DDX46: variants seen among roughly 807,000 people sequenced by gnomAD.
The protein encoded by DDX46 is DEAD-box helicase 46, also known as probable ATP-dependent RNA helicase DDX46.
A neutral mutation model predicts 134.9 loss-of-function variants in DDX46; 30 were observed. The ratio of observed to expected loss-of-function variants is 0.22; its 90% confidence interval spans 0.17 to 0.30. DDX46 has a LOEUF of 0.30. Ranked by LOEUF, DDX46 falls within the 10% of genes least tolerant of loss-of-function variation. The pLI is 1.00. For missense variants in DDX46, 622 were observed against 1,248.7 expected, an observed-to-expected ratio of 0.50 and a Z score of 7.56; for synonymous variants, 415 against 404.1, an observed-to-expected ratio of 1.03 and a Z score of -0.32.
intron 16 of DDX46, among the ~76,000 whole-genome samples, chr5:134,809,349 G>A (rs1755075097): frequency 1.3e-5 from 2 of 152,088 alleles, no homozygotes; most frequent in African/African-American, 4.8e-5. Flanking sequence ...AAAGGCAGTG[G>A]CTATTTAGAT....
At position 134,790,834 on chromosome 5, in the gene DDX46, T is replaced by A. The variant is rs75930986; in HGVS notation, c.1626+282T>A. Among the ~76,000 whole-genome samples, 3 of 152,322 alleles carry A rather than the reference T, an allele frequency of 2.0e-5. No homozygotes were observed. The East Asian group carries it at 5.8e-4, about 29-fold the overall frequency. The stretch of plus-strand genomic sequence containing the variant: ...AATAATAGAGCTTAAGCCTTATTTT[T>A]TTTTTTCAGATGGAGTCTTGCTCTG... On this transcript the variant is annotated intron_variant, in intron 13 of 22. Coordinates refer to ENST00000452510, the MANE Select transcript of DDX46 (RefSeq NM_001300860.2).
At chr5:134,773,628 G>C in intron 4 of DDX46, 68 bp from the exon 5 acceptor site, 2 of 1,480,154 alleles carry the variant, frequency 1.4e-6, no homozygotes, top group Non-Finnish European at 1.8e-6. Context: ...GTCACTTGGA[G>C]CAAAATTATT....
At chr5:134,802,715 A>G (rs1421015091) in intron 15 of DDX46, among the ~76,000 whole-genome samples, 1 of 152,126 alleles carries the variant, frequency 6.6e-6, no homozygotes, top group African/African-American at 2.4e-5. Flanking sequence ...TGTTAATTTT[A>G]ACATCTGGGT....
At position 134,765,822 on chromosome 5, in the gene DDX46, T is replaced by C. The variant is rs905556650; in HGVS notation, c.207-1095T>C. On this transcript the variant is annotated intron_variant, in intron 2 of 22. Coordinates refer to ENST00000452510, the MANE Select transcript of DDX46 (RefSeq NM_001300860.2). ...TGTTACGTAGGATTCAGGGAAAATATTCACCCGTGACAATGTGGATAGCAT... is the reference window on the plus strand; with the variant it reads ...TGTTACGTAGGATTCAGGGAAAATACTCACCCGTGACAATGTGGATAGCAT... Among the ~76,000 whole-genome samples, 6 of 152,338 alleles carry C rather than the reference T, an allele frequency of 3.9e-5. No individual in the cohort carries two copies. In the South Asian group the frequency reaches 1.2e-3, roughly 32 times the overall value.
At chr5:134,791,777 T>C (rs955132962) in intron 13 of DDX46, among the ~76,000 whole-genome samples, 2 of 152,232 alleles carry the variant, frequency 1.3e-5, no homozygotes, top group Admixed American at 1.3e-4. Context: ...AGTGCATGTA[T>C]TGTATTTAGA....
At chr5:134,827,602 A>G (rs1755623994) in intron 22 of DDX46, among the ~76,000 whole-genome samples, 1 of 152,162 alleles carries the variant, frequency 6.6e-6, no homozygotes, top group Admixed American at 6.6e-5. Context: ...ATCATAGATT[A>G]GTTTTTCCTG....
chr5:134,816,712 A>G (rs1755296630), intron 19 of DDX46, 106 bp downstream of exon 19: 2 of 1,123,076 alleles, frequency 1.8e-6, no homozygotes, highest in Admixed American at 5.6e-5. Context: ...CTAGACATTG[A>G]GTTTGTGAGA....
intron 6 of DDX46, chr5:134,780,632 A>G (rs1349717611): frequency 2.0e-5 from 3 of 150,556 alleles, no homozygotes; most frequent in Non-Finnish European, 4.4e-5. Flanking sequence ...ATTATTTATA[A>G]TACAGTAAAT....
intron 10 of DDX46, among the ~76,000 whole-genome samples, chr5:134,785,187 T>C (rs564090866): frequency 6.6e-6 from 1 of 152,328 alleles, no homozygotes; most frequent in Non-Finnish European, 1.5e-5. Flanking sequence ...ATTAGAAAAC[T>C]GTTTGCATTC....
chr5:134,824,426 A>G (rs1248370337), intron 21 of DDX46, among the ~76,000 whole-genome samples: 1 of 152,162 alleles, frequency 6.6e-6, no homozygotes, highest in Non-Finnish European at 1.5e-5. Context: ...CCCCGTCTCT[A>G]CTAAATACAA....
In DDX46 at chr5:134,829,099, G is replaced by C. The variant is rs1466001370; in HGVS notation, c.*393G>C. ...AAATTGTGATCATTTCCTAAGAAAA[G>C]GTAAAATTCACTATCATATTTTGTG... On this transcript the variant is annotated 3_prime_UTR_variant, in exon 23 of 23. Coordinates refer to ENST00000452510, the MANE Select transcript of DDX46 (RefSeq NM_001300860.2). 1 of 154,852 alleles carries C rather than the reference G, an allele frequency of 6.5e-6. No homozygotes were observed. The highest frequency in any genetic ancestry group is 1.4e-5 in the Non-Finnish European group (1 of 69,926). 9.6% of individuals were successfully genotyped at this position (154,852 alleles called of 1,614,324 possible).
At chr5:134,808,526 T>C (rs1755054557) in intron 16 of DDX46, among the ~76,000 whole-genome samples, 5 of 152,142 alleles carry the variant, frequency 3.3e-5, no homozygotes, top group Admixed American at 3.3e-4. Context: ...AGTTGAAAAA[T>C]TATAAATTGA....
At chr5:134,778,834 A>T (rs541801435) in intron 6 of DDX46, among the ~76,000 whole-genome samples, 2 of 151,952 alleles carry the variant, frequency 1.3e-5, no homozygotes, top group Non-Finnish European at 2.9e-5. Flanking sequence ...TTGGCCTCCC[A>T]AAGTACTGGG....
At chr5:134,826,872 C>G in intron 21 of DDX46, 75 bp from the exon 22 acceptor site, 1 of 1,449,580 alleles carries the variant, frequency 6.9e-7, no homozygotes. Flanking sequence ...GTGTTTCTTC[C>G]TGGACCTCCG....
rs576041343 is a variant in DDX46, at chr5:134,805,499, A to T, written c.1955-2249A>T. On this transcript the variant is annotated intron_variant, in intron 15 of 22. Transcript: ENST00000452510. ...GTATTTTTAAACAAATCCAGTATTT[A>T]AAAATTTCCTCAGTTCTGATTTCTT... Among the ~76,000 whole-genome samples, 6 of 151,420 alleles carry T rather than the reference A, an allele frequency of 4.0e-5. No homozygotes were observed. The East Asian group carries it at 5.9e-4, about 15-fold the overall frequency.
At chr5:134,787,806 T>G (rs1754382241) in intron 11 of DDX46, among the ~76,000 whole-genome samples, 1 of 152,068 alleles carries the variant, frequency 6.6e-6, no homozygotes, top group South Asian at 2.1e-4. Context: ...GTCCAGGAGT[T>G]TGTGACCAGC....
At chr5:134,800,585 C>T (rs1258349921) in intron 15 of DDX46, among the ~76,000 whole-genome samples, 4 of 152,146 alleles carry the variant, frequency 2.6e-5, no homozygotes, top group African/African-American at 9.7e-5. Context: ...CTAAAAAACT[C>T]CCTCATCGTG....
At chr5:134,784,300 A>G (rs1754265905) in intron 9 of DDX46, 66 bp from the exon 10 acceptor site, 9 of 1,514,616 alleles carry the variant, frequency 5.9e-6, no homozygotes, top group South Asian at 1.3e-5. Flanking sequence ...ATGGGAACAC[A>G]TAGGACCTGT....
chr5:134,797,342 C>T (rs1244249624), intron 15 of DDX46: 2 of 211,966 alleles, frequency 9.4e-6, no homozygotes, highest in Non-Finnish European at 1.9e-5. Context: ...GCGCAGAGCT[C>T]ACTATATATA....
Sources: allele counts gnomAD v4.1 joint callset (sites outside exome capture counted in the v4.1 genomes callset), GRCh38; gene constraint gnomAD v4.1.1; transcripts MANE v1.5; gene names NCBI Gene and HGNC (gene_info 2026-07-23, HGNC 2026-07-21).